LSM14B: variants seen among roughly 807,000 people sequenced by gnomAD.
LSM14B encodes protein LSM14 homolog B.
In LSM14B, 8 loss-of-function variants were observed where a neutral mutation model predicts 42.1. That is an observed-to-expected ratio of 0.19 (90% confidence interval 0.11 to 0.34). The LOEUF (loss-of-function observed/expected upper bound fraction) is 0.34. Among genes scored for constraint, LSM14B ranks in the 10% least tolerant of loss-of-function variants. The pLI is 1.00. For missense variants in LSM14B, 396 were observed against 513.1 expected, an observed-to-expected ratio of 0.77 and a Z score of 2.21; for synonymous variants, 219 against 209.7, an observed-to-expected ratio of 1.04 and a Z score of -0.38.
chr20:62,130,265 C>A lies in LSM14B; in HGVS notation c.642C>A (p.Asp214Glu). ...TGCAAGCTCAAGGGCAGGTGAATGA[C>A]GAGAACAGAAGACCTCAGAGGAGGC... The part of the protein sequence containing the change: ...AAVQAQGQVN[D>E]ENRRPQRRRS... The change falls in exon 5 of 9, where the codon GAC becomes GAA. Residue 214 changes from aspartate (D) to glutamate (E), a missense_variant. Around this residue, in one of 3 missense-constraint regions of LSM14B, gnomAD observed 274 missense variants for 335.8 expected, o/e 0.82. Transcript: ENST00000279068. The surrounding 1 kb of genome is among the most constrained non-coding windows in gnomAD (Gnocchi z 4.1). 1 of 1,603,978 alleles carries A rather than the reference C, an allele frequency of 6.2e-7. No homozygotes were observed. The highest frequency in any genetic ancestry group is 1.7e-5 in the Admixed American group (1 of 58,642).
At position 62,135,209 on chromosome 20, in the gene LSM14B, C is replaced by T. The variant is rs1164547644; in HGVS notation, c.*1061C>T. On this transcript the variant is annotated 3_prime_UTR_variant, in exon 9 of 9. Transcript: ENST00000279068. Reference sequence around the variant, plus strand: ...AAAATAAGCACCTTGGTAACTAAACCCCTCTAATAGCTATAAAGGCTTTAG... The same window carrying T: ...AAAATAAGCACCTTGGTAACTAAACTCCTCTAATAGCTATAAAGGCTTTAG... 2 of 152,230 alleles carry T rather than the reference C, an allele frequency of 1.3e-5. No individual in the cohort carries two copies. Among genetic ancestry groups the T allele is most frequent in the African/African-American group, 2.4e-5 (1 of 41,552 alleles). 9.4% of individuals were successfully genotyped at this position (152,230 alleles called of 1,614,324 possible).
Position 62,130,908 on chromosome 20 carries a change from G to A in LSM14B, c.835+217G>A, listed in dbSNP as rs749881192. 6.6e-6 allele frequency among the ~76,000 whole-genome samples: 1 copy of A among 152,178 alleles called. No individual in the cohort carries two copies. The highest frequency in any genetic ancestry group is 2.1e-4 in the South Asian group (1 of 4,828). On this transcript the variant is annotated intron_variant, in intron 6 of 8. Coordinates refer to ENST00000279068, the MANE Select transcript of LSM14B (RefSeq NM_144703.3). The surrounding 1 kb of genome is among the most constrained non-coding windows in gnomAD (Gnocchi z 4.1). Reference sequence around the variant, plus strand: ...AAAATCCAAAAATTAGCCAGGCGTGGTGGTGGGCGCCTGTAATCCCAGCTA... The same window carrying A: ...AAAATCCAAAAATTAGCCAGGCGTGATGGTGGGCGCCTGTAATCCCAGCTA...
Position 62,124,660 on chromosome 20 carries a change from G to C in LSM14B, c.171G>C (p.Ala57=), listed in dbSNP as rs57762112. ...GTEDRPTDRP[A]PPREEIYEYI... ...AAGACCGTCCCACAGATAGGCCTGCGCCCCCCAGAGAGGAGATTTATGAGT... is the reference window on the plus strand; with the variant it reads ...AAGACCGTCCCACAGATAGGCCTGCCCCCCCCAGAGAGGAGATTTATGAGT... Residue 57 remains alanine (A), a synonymous_variant, in exon 2 of 9, where the codon GCG becomes GCC. Transcript: ENST00000279068. 1.2e-5 allele frequency: 19 copies of C among 1,613,720 alleles called. No homozygotes were observed. The highest frequency in any genetic ancestry group is 1.4e-5 in the Non-Finnish European group (17 of 1,179,868).
rs899152394 is a variant in LSM14B at position 62,134,714 on chromosome 20, A to G, written c.*566A>G. 5.0e-6 allele frequency: 1 copy of G among 201,634 alleles called. No homozygotes were observed. Among genetic ancestry groups the G allele is most frequent in the African/African-American group, 2.4e-5 (1 of 41,686 alleles). The allele number at this position is 201,634 out of a possible 1,614,324, so 12.5% of individuals were successfully genotyped here. On this transcript the variant is annotated 3_prime_UTR_variant, in exon 9 of 9. Coordinates refer to ENST00000279068, the MANE Select transcript of LSM14B (RefSeq NM_144703.3). The stretch of plus-strand genomic sequence containing the variant: ...GTTTTCCCATGGATCATGTTGTATA[A>G]GTGAACCAGACCACCCTGATGGCAT...
In LSM14B at chr20:62,133,294, A is replaced by G; in HGVS notation, c.991A>G (p.Arg331Gly). 1.9e-6 allele frequency: 3 copies of G among 1,613,292 alleles called. No individual in the cohort carries two copies. Among genetic ancestry groups the G allele is most frequent in the Non-Finnish European group, 2.5e-6 (3 of 1,179,572 alleles). ...NISSELKTSS[R>G]RTTWAEERKL... Reference sequence around the variant, plus strand: ...AGCATTTCCTCTGTGGTTTAGCTCCAGGCGGACGACGTGGGCCGAAGAGAG... The same window carrying G: ...AGCATTTCCTCTGTGGTTTAGCTCCGGGCGGACGACGTGGGCCGAAGAGAG... Residue 331 changes from arginine to glycine, a missense_variant, in exon 8 of 9, where the codon AGG (arginine) becomes GGG (glycine). By Grantham distance (125) the Arg-to-Gly change is moderately radical (BLOSUM62 -2). Coordinates refer to ENST00000279068, the MANE Select transcript of LSM14B (RefSeq NM_144703.3).
At position 62,126,395 on chromosome 20, in the gene LSM14B, C is replaced by T. The variant is rs1284091315; in HGVS notation, c.383C>T (p.Ala128Val). Residue 128 changes from alanine to valine, a missense_variant, in exon 3 of 9, where the codon GCC becomes GTC. Ala to Val is a moderately conservative substitution (Grantham distance 64). Around this residue, in one of 3 missense-constraint regions of LSM14B, gnomAD observed 274 missense variants for 335.8 expected, o/e 0.82. Coordinates refer to ENST00000279068, the MANE Select transcript of LSM14B (RefSeq NM_144703.3). ...ATGGCGCCCTACGGCCCGCTGGCGG[C>T]CAGCTCCCTGCTCAGCCAGCAGTAT... ...RGMAPYGPLA[A>V]SSLLSQQYAA... 6.2e-7 allele frequency: 1 copy of T among 1,611,684 alleles called. No individual in the cohort carries two copies. The highest frequency in any genetic ancestry group is 8.5e-7 in the Non-Finnish European group (1 of 1,179,844).
chr20:62,134,317 C>T lies in LSM14B; in HGVS notation c.*169C>T, dbSNP rs2056849399. 2.1e-6 allele frequency: 1 copy of T among 471,748 alleles called. No homozygotes were observed. The highest frequency in any genetic ancestry group is 4.4e-6 in the Non-Finnish European group (1 of 227,218). The allele number at this position is 471,748 out of a possible 1,614,324, so 29.2% of individuals were successfully genotyped here. A position where few individuals can be genotyped will look rare whatever the true frequency, so the allele number is the denominator to read the frequency against. Reference sequence around the variant, plus strand: ...GGACTTAACTGAACTTGGACATGGTCTGAGTTAGAACCACTTGTTTTGGGG... The same window carrying T: ...GGACTTAACTGAACTTGGACATGGTTTGAGTTAGAACCACTTGTTTTGGGG... On this transcript the variant is annotated 3_prime_UTR_variant, in exon 9 of 9. Transcript: ENST00000279068.
At position 62,133,893 on chromosome 20, in the gene LSM14B, G is replaced by A. The variant is rs1314532601; in HGVS notation, c.*15-270G>A. The stretch of plus-strand genomic sequence containing the variant: ...GTGGGCACCTTAGGGTTTGGGCGGA[G>A]CGTCCCACATGGGGTGCCTGGTGCC... On this transcript the variant is annotated intron_variant, in intron 8 of 8. Coordinates refer to ENST00000279068, the MANE Select transcript of LSM14B (RefSeq NM_144703.3). Among the ~76,000 whole-genome samples the A allele has an allele frequency of 2.6e-5, 4 of 152,226 alleles. No individual in the cohort carries two copies. The East Asian group carries it at 7.7e-4, about 29-fold the overall frequency.
Position 62,130,589 on chromosome 20 carries a change from A to G in LSM14B, c.733A>G (p.Asn245Asp), listed in dbSNP as rs771818286. The stretch of plus-strand genomic sequence containing the variant: ...AAACCGTCCAACTAACGTTAAGGAA[A>G]ACACAATCAAATTTGAGGGTGACTT... Reference protein sequence around the residue: ...GQNRPTNVKENTIKFEGDFDF... With the variant: ...GQNRPTNVKEDTIKFEGDFDF... Residue 245 changes from asparagine to aspartate, a missense_variant, in exon 6 of 9, where the codon AAC becomes GAC. By Grantham distance (23) the Asn-to-Asp change is conservative. Coordinates refer to ENST00000279068, the MANE Select transcript of LSM14B (RefSeq NM_144703.3). The surrounding 1 kb of genome is among the most constrained non-coding windows in gnomAD (Gnocchi z 4.1). 4.2e-5 allele frequency: 67 copies of G among 1,613,884 alleles called. No individual in the cohort carries two copies. The highest frequency in any genetic ancestry group is 5.2e-5 in the Non-Finnish European group (61 of 1,179,898).
chr20:62,128,412 G>A (rs2056666546), intron 3 of LSM14B, among the ~76,000 whole-genome samples: 1 of 152,254 alleles, frequency 6.6e-6, no homozygotes, highest in African/African-American at 2.4e-5. Flanking sequence ...ATGGCACACA[G>A]CTGCTGTCAG....
intron 3 of LSM14B, chr20:62,129,127 C>T (rs1568710252): frequency 1.5e-6 from 1 of 668,612 alleles, no homozygotes; most frequent in Non-Finnish European, 2.3e-6. Flanking sequence ...GTTTCATAGG[C>T]ATAGCCCCTT....
chr20:62,134,462 C>T lies in LSM14B; in HGVS notation c.*314C>T. On this transcript the variant is annotated 3_prime_UTR_variant, in exon 9 of 9. Transcript: ENST00000279068. ...AGGTTTCTATAGTGAAAGCTGAATC[C>T]TTACTTTGTGACTTTTTTTTTTTTT... The T allele has an allele frequency of 2.2e-5, 5 of 231,716 alleles. No individual in the cohort carries two copies. Among genetic ancestry groups the T allele is most frequent in the South Asian group, 1.2e-4 (3 of 24,498 alleles). The allele number at this position is 231,716 out of a possible 1,614,324, so 14.4% of individuals were successfully genotyped here.
chr20:62,122,765 C>G lies in LSM14B; in HGVS notation c.99C>G (p.Thr33=). The G allele has an allele frequency of 6.6e-7, 1 of 1,513,692 alleles. No homozygotes were observed. The highest frequency in any genetic ancestry group is 8.9e-7 in the Non-Finnish European group (1 of 1,125,860). The allele number at this position is 1,513,692 out of a possible 1,614,324, so 93.8% of individuals were successfully genotyped here. A position where few individuals can be genotyped will look rare whatever the true frequency, so the allele number is the denominator to read the frequency against. Residue 33 remains threonine, a synonymous_variant, in exon 1 of 9, where the codon ACC becomes ACG. Coordinates refer to ENST00000279068, the MANE Select transcript of LSM14B (RefSeq NM_144703.3). The surrounding 1 kb of genome is among the most constrained non-coding windows in gnomAD (Gnocchi z 4.6). ...AGGGCATTCTCTACACCATCGACAC[C>G]GACAACTCCACCGTGGCGCTCGCCA... ...RYEGILYTID[T]DNSTVALAKV... is the part of the protein sequence containing the mutation.
chr20:62,124,752 C>G lies in LSM14B; in HGVS notation c.263C>G (p.Thr88Arg), dbSNP rs764010815. The change falls in exon 2 of 9, where the codon ACA becomes AGA. Residue 88 changes from threonine (T) to arginine (R), a missense_variant. This residue lies in a region of LSM14B where 274 missense variants were observed against 335.8 expected (regional missense o/e 0.82). Transcript: ENST00000279068. ...TVCEPPKAQH[T>R]LPQDPAIVQS... Reference sequence around the variant, plus strand: ...TGTGAACCTCCGAAAGCTCAGCACACACTCCCGCAGGATCCCGCCATTGTT... The same window carrying G: ...TGTGAACCTCCGAAAGCTCAGCACAGACTCCCGCAGGATCCCGCCATTGTT... The G allele has an allele frequency of 6.2e-6, 10 of 1,613,544 alleles. No homozygotes were observed. The highest frequency in any genetic ancestry group is 3.3e-5 in the Admixed American group (2 of 59,970).
intron 3 of LSM14B, among the ~76,000 whole-genome samples, chr20:62,127,036 A>G (rs1263609968): frequency 6.6e-6 from 1 of 152,324 alleles, no homozygotes; most frequent in East Asian, 1.9e-4. Context: ...ATCTGCTTCA[A>G]AGAAGAAATA....
rs564565360 is a variant in LSM14B at position 62,134,358 on chromosome 20, AC to A, written c.*212del. ...TGTTTTGGGGAAGTATTCATGGGTA[AC>A]CTCTTTGAGGTCTCTTTATCTGTGT... On this transcript the variant is annotated 3_prime_UTR_variant, in exon 9 of 9. Coordinates refer to ENST00000279068, the MANE Select transcript of LSM14B (RefSeq NM_144703.3). The A allele has an allele frequency of 6.5e-3, 3,081 of 470,646 alleles. 106 individuals carry two copies. The highest frequency in any genetic ancestry group is 0.057 in the Admixed American group (2,424 of 42,378). The allele number at this position is 470,646 out of a possible 1,614,324, so 29.2% of individuals were successfully genotyped here. A position where few individuals can be genotyped will look rare whatever the true frequency, so the allele number is the denominator to read the frequency against.
intron 2 of LSM14B, 54 bp downstream of exon 2, chr20:62,124,834 T>G: frequency 6.5e-7 from 1 of 1,537,812 alleles, no homozygotes; most frequent in Non-Finnish European, 8.8e-7. Flanking sequence ...GGTTTCCATT[T>G]GGAGCTTGGT....
chr20:62,123,708 T>G (rs1349769866), intron 1 of LSM14B, among the ~76,000 whole-genome samples: 1 of 152,218 alleles, frequency 6.6e-6, no homozygotes, highest in African/African-American at 2.4e-5. Context: ...CAGGGGTTCT[T>G]GAAGTGTCTA....
Position 62,122,573 on chromosome 20 carries a change from C to A in LSM14B, c.-94C>A. On this transcript the variant is annotated 5_prime_UTR_variant, in exon 1 of 9. Coordinates refer to ENST00000279068, the MANE Select transcript of LSM14B (RefSeq NM_144703.3). The surrounding 1 kb of genome is among the most constrained non-coding windows in gnomAD (Gnocchi z 4.6). Reference sequence around the variant, plus strand: ...GGAGGCGGCGGCGGGCGGAGGAGCGCAGGAGCGGGCGGCCAGGCCACCGCG... The same window carrying A: ...GGAGGCGGCGGCGGGCGGAGGAGCGAAGGAGCGGGCGGCCAGGCCACCGCG... 8.8e-6 allele frequency: 8 copies of A among 907,132 alleles called. No homozygotes were observed. Among genetic ancestry groups the A allele is most frequent in the Non-Finnish European group, 9.3e-6 (7 of 753,864 alleles). The allele number at this position is 907,132 out of a possible 1,614,324, so 56.2% of individuals were successfully genotyped here. A position where few individuals can be genotyped will look rare whatever the true frequency, so the allele number is the denominator to read the frequency against.
Sources: gnomAD v4.1 joint callset for allele counts (sites outside exome capture counted in the v4.1 genomes callset) on GRCh38, gnomAD v4.1.1 for gene constraint, gnomAD v4.1.1 regional missense constraint, Gnocchi (gnomAD v3.1) non-coding constraint, MANE v1.5 for transcripts, NCBI Gene and HGNC (gene_info 2026-07-23, HGNC 2026-07-21) for gene names.